Variants in FCN1 observed in about 807,000 individuals in gnomAD.
FCN1 encodes the protein ficolin-1.
Under a neutral mutation model 35.6 loss-of-function variants are expected in FCN1, and 42 were observed. The observed-to-expected ratio is 1.18, with a 90% CI of 0.92 to 1.53. The LOEUF is 1.53. FCN1 is among the 40% of genes most tolerant of loss of function. The pLI is 0.00. For synonymous variants in FCN1, 179 were observed against 169.8 expected, an observed-to-expected ratio of 1.05 and a Z score of -0.42; for missense variants, 439 against 428.4, an observed-to-expected ratio of 1.02 and a Z score of -0.22.
chr9:134,913,869 G>A (rs1203039937), intron 4 of FCN1, among the ~76,000 whole-genome samples: 1 of 152,162 alleles, frequency 6.6e-6, no homozygotes, highest in East Asian at 1.9e-4. Context: ...GGGTCCTGCT[G>A]GACGAACTGG....
rs1830976257 is a variant in FCN1, at chr9:134,908,004, G to A, written c.*1794C>T. The A allele has an allele frequency of 6.6e-6, 1 of 152,198 alleles. No homozygotes were observed. The highest frequency in any genetic ancestry group is 2.4e-5 in the African/African-American group (1 of 41,452). The allele number at this position is 152,198 out of a possible 1,614,324, so 9.4% of individuals were successfully genotyped here. A position where few individuals can be genotyped will look rare whatever the true frequency, so the allele number is the denominator to read the frequency against. On this transcript the variant is annotated 3_prime_UTR_variant, in exon 9 of 9. Transcript: ENST00000371806. ...CTGTGTGTCTTCTTCTCCAACAGTTGATGCCAAGCCATTTTCCAGGTTGGT... is the reference window on the plus strand; with the variant it reads ...CTGTGTGTCTTCTTCTCCAACAGTTAATGCCAAGCCATTTTCCAGGTTGGT...
chr9:134,904,391 A>C lies in FCN1; in HGVS notation c.*5407T>G, dbSNP rs1419998094. On this transcript the variant is annotated 3_prime_UTR_variant, in exon 9 of 9. Transcript: ENST00000371806. The stretch of plus-strand genomic sequence containing the variant: ...AAACTAATTGGCAATATAGAAGTCT[A>C]CACCCAATCTAAATACTATTTAAAA... Among the ~76,000 whole-genome samples the C allele has an allele frequency of 3.3e-5, 5 of 152,244 alleles. No homozygotes were observed. The highest frequency in any genetic ancestry group is 1.2e-4 in the African/African-American group (5 of 41,464).
Position 134,908,718 on chromosome 9 carries a change from C to A in FCN1, c.*1080G>T, listed in dbSNP as rs914468510. 6 of 159,492 alleles carry A rather than the reference C, an allele frequency of 3.8e-5. No homozygotes were observed. The highest frequency in any genetic ancestry group is 5.5e-5 in the Non-Finnish European group (4 of 72,514). The allele number at this position is 159,492 out of a possible 1,614,324, so 9.9% of individuals were successfully genotyped here. On this transcript the variant is annotated 3_prime_UTR_variant, in exon 9 of 9. Transcript: ENST00000371806. Reference sequence around the variant, plus strand: ...CAAGGAAGCAGGTTCTCCCCTAGAACCCTGGAAGGAGCCACCACTGCTGAG... The same window carrying A: ...CAAGGAAGCAGGTTCTCCCCTAGAAACCTGGAAGGAGCCACCACTGCTGAG...
rs1184325746 is a variant in FCN1 at position 134,906,372 on chromosome 9, C to T, written c.*3426G>A. The T allele has an allele frequency of 6.6e-6, 1 of 152,140 alleles. No homozygotes were observed. The highest frequency in any genetic ancestry group is 2.4e-5 in the African/African-American group (1 of 41,424). The allele number at this position is 152,140 out of a possible 1,614,324, so 9.4% of individuals were successfully genotyped here. A position where few individuals can be genotyped will look rare whatever the true frequency, so the allele number is the denominator to read the frequency against. On this transcript the variant is annotated 3_prime_UTR_variant, in exon 9 of 9. Coordinates refer to ENST00000371806, the MANE Select transcript of FCN1 (RefSeq NM_002003.5). ...TATAAGACCTGCAAATCTTAAGAGT[C>T]ACCTTTTTAGAGCTTTTGGATACCA...
intron 2 of FCN1, among the ~76,000 whole-genome samples, chr9:134,915,786 A>T (rs1271608097): frequency 1.3e-5 from 2 of 152,172 alleles, no homozygotes; most frequent in East Asian, 1.9e-4. Context: ...TGCCATGCTT[A>T]GGGGGACCCA....
chr9:134,913,591 C>A lies in FCN1; in HGVS notation c.330G>T (p.Ser110=). ...GGTGTGATCAGTCACCTGTCGCACA[C>A]GACTGAGACTGCCCAGCGTCTCCTG... ...GEKGDAGQSQ[S]CATGPRNCKD... is the part of the protein sequence containing the mutation. The change falls in exon 5 of 9, where the codon TCG becomes TCT. Residue 110 remains serine (S), a synonymous_variant. Coordinates refer to ENST00000371806, the MANE Select transcript of FCN1 (RefSeq NM_002003.5). The A allele has an allele frequency of 6.2e-7, 1 of 1,606,974 alleles. No homozygotes were observed.
chr9:134,914,397 G>T lies in FCN1; in HGVS notation c.295C>A (p.Arg99Ser). Reference sequence around the variant, plus strand: ...ACGGGTGGCTCACCTTTCTCTCCACGCATCCCCTTCTCTCCTCGGTCTCCT... The same window carrying T: ...ACGGGTGGCTCACCTTTCTCTCCACTCATCCCCTTCTCTCCTCGGTCTCCT... ...PKGDRGEKGM[R>S]GEKGDAGQSQ... Residue 99 changes from arginine to serine, a missense_variant, in exon 4 of 9, where the codon CGT (arginine) becomes AGT (serine). By Grantham distance (110) the Arg-to-Ser change is moderately radical (BLOSUM62 -1). Coordinates refer to ENST00000371806, the MANE Select transcript of FCN1 (RefSeq NM_002003.5). The T allele has an allele frequency of 6.2e-7, 1 of 1,613,980 alleles. No individual in the cohort carries two copies. Among genetic ancestry groups the T allele is most frequent in the Non-Finnish European group, 8.5e-7 (1 of 1,179,872 alleles).
At position 134,905,731 on chromosome 9, in the gene FCN1, G is replaced by A. The variant is rs560849342; in HGVS notation, c.*4067C>T. Among the ~76,000 whole-genome samples, 63 of 151,298 alleles carry A rather than the reference G, an allele frequency of 4.2e-4. No individual in the cohort carries two copies. The highest frequency in any genetic ancestry group is 2.2e-3 in the Admixed American group (33 of 15,188). On this transcript the variant is annotated 3_prime_UTR_variant, in exon 9 of 9. Coordinates refer to ENST00000371806, the MANE Select transcript of FCN1 (RefSeq NM_002003.5). ...GATCTCCTGACCTTGTGATCCGCCC[G>A]CCTCGGCCTCCCAAAGTGCTGGGAT...
In FCN1 at chr9:134,905,323, A is replaced by G. The variant is rs948190514; in HGVS notation, c.*4475T>C. ...CCTACACTCCTACTTGAGAGGTCCC[A>G]TGGCCAGGAAGAAGAGCACTGGCCC... On this transcript the variant is annotated 3_prime_UTR_variant, in exon 9 of 9. Coordinates refer to ENST00000371806, the MANE Select transcript of FCN1 (RefSeq NM_002003.5). Among the ~76,000 whole-genome samples the G allele has an allele frequency of 1.3e-5, 2 of 152,320 alleles. No individual in the cohort carries two copies. The highest frequency in any genetic ancestry group is 2.9e-5 in the Non-Finnish European group (2 of 68,018).
intron 1 of FCN1, 121 bp from the exon 2 acceptor site, chr9:134,916,582 G>A (rs1012589552): frequency 2.1e-4 from 195 of 945,388 alleles, no homozygotes; most frequent in Non-Finnish European, 3.1e-4. Flanking sequence ...AGGCGGAGAT[G>A]TGATGGGGGG....
rs1466929173 is a variant in FCN1, at chr9:134,916,259, G to A, written c.217+89C>T. On this transcript the variant is annotated intron_variant, in intron 2 of 8. Coordinates refer to ENST00000371806, the MANE Select transcript of FCN1 (RefSeq NM_002003.5). ...GCTCTTGATCTAGGAACCACGGTGGGGGTGTTGCCCAACTCTGCATCCAGT... is the reference window on the plus strand; with the variant it reads ...GCTCTTGATCTAGGAACCACGGTGGAGGTGTTGCCCAACTCTGCATCCAGT... The A allele has an allele frequency of 3.0e-6, 3 of 999,634 alleles. No homozygotes were observed. In the African/African-American group the frequency reaches 4.7e-5, roughly 16 times the overall value. The allele number at this position is 999,634 out of a possible 1,614,324, so 61.9% of individuals were successfully genotyped here. A position where few individuals can be genotyped will look rare whatever the true frequency, so the allele number is the denominator to read the frequency against.
intron 1 of FCN1, among the ~76,000 whole-genome samples, chr9:134,917,402 G>A (rs186710667): frequency 6.6e-6 from 1 of 152,266 alleles, no homozygotes; most frequent in Non-Finnish European, 1.5e-5. Context: ...AACCCCCCAA[G>A]TCCGTGTGGC....
At position 134,905,500 on chromosome 9, in the gene FCN1, T is replaced by C. The variant is rs1021495319; in HGVS notation, c.*4298A>G. 6.6e-6 allele frequency among the ~76,000 whole-genome samples: 1 copy of C among 152,156 alleles called. No individual in the cohort carries two copies. The highest frequency in any genetic ancestry group is 2.4e-5 in the African/African-American group (1 of 41,422). ...ATAAGCTTGCTTTGCTTCTTTTATTTTGAGACAGAGTCTCGCTCTGTCGCC... is the reference window on the plus strand; with the variant it reads ...ATAAGCTTGCTTTGCTTCTTTTATTCTGAGACAGAGTCTCGCTCTGTCGCC... On this transcript the variant is annotated 3_prime_UTR_variant, in exon 9 of 9. Coordinates refer to ENST00000371806, the MANE Select transcript of FCN1 (RefSeq NM_002003.5).
rs1564214906 is a variant in FCN1, at chr9:134,905,640, T to C, written c.*4158A>G. Among the ~76,000 whole-genome samples, 1 of 151,730 alleles carries C rather than the reference T, an allele frequency of 6.6e-6. No homozygotes were observed. The highest frequency in any genetic ancestry group is 6.6e-5 in the Admixed American group (1 of 15,264). ...CTGGGACGATAGGCATCCCCCACCA[T>C]GAACGGCTAATTTTTTTGTATTTTT... is the stretch of plus-strand genomic sequence containing the variant. On this transcript the variant is annotated 3_prime_UTR_variant, in exon 9 of 9. Coordinates refer to ENST00000371806, the MANE Select transcript of FCN1 (RefSeq NM_002003.5).
rs2118931117 is a variant in FCN1 at position 134,908,681 on chromosome 9, G to C, written c.*1117C>G. ...GCCAATGAATGCCAGTGACCCCTGG[G>C]GCTGGAAAAGGCAAGGAAGCAGGTT... On this transcript the variant is annotated 3_prime_UTR_variant, in exon 9 of 9. Coordinates refer to ENST00000371806, the MANE Select transcript of FCN1 (RefSeq NM_002003.5). 1 of 154,864 alleles carries C rather than the reference G, an allele frequency of 6.5e-6. No homozygotes were observed. Among genetic ancestry groups the C allele is most frequent in the East Asian group, 1.9e-4 (1 of 5,226 alleles). 9.6% of individuals were successfully genotyped at this position (154,864 alleles called of 1,614,324 possible). A position where few individuals can be genotyped will look rare whatever the true frequency, so the allele number is the denominator to read the frequency against.
intron 4 of FCN1, 103 bp from the exon 5 acceptor site, chr9:134,913,716 C>T: frequency 1.2e-6 from 1 of 847,844 alleles, no homozygotes; most frequent in Non-Finnish European, 1.8e-6. Context: ...TGGGCAAAGG[C>T]AGCTCCTCTG....
Position 134,903,404 on chromosome 9 carries a change from T to C in FCN1, c.*6394A>G, listed in dbSNP as rs189716244. Among the ~76,000 whole-genome samples the C allele has an allele frequency of 1.4e-4, 22 of 152,248 alleles. No individual in the cohort carries two copies. The East Asian group carries it at 4.2e-3, about 29-fold the overall frequency. Reference sequence around the variant, plus strand: ...CAAATTTAAAATAATTGAAATCATATTAAGTTTGTTCTCTGACCCTGATAG... The same window carrying C: ...CAAATTTAAAATAATTGAAATCATACTAAGTTTGTTCTCTGACCCTGATAG... On this transcript the variant is annotated 3_prime_UTR_variant, in exon 9 of 9. Transcript: ENST00000371806.
chr9:134,905,890 CTTCTTCTTCTTCTTCTTCTTCTT>C lies in FCN1; in HGVS notation c.*3885_*3907del, dbSNP rs1830947269. On this transcript the variant is annotated 3_prime_UTR_variant, in exon 9 of 9. Transcript: ENST00000371806. ...TCTTCTTCTTCTTCTTCTTCTTCTT[CTTCTTCTTCTTCTTCTTCTTCTT>C]CTTCTTCTTCTCCCTCTCCCTCTCC... 3.9e-5 allele frequency: 4 copies of C among 102,512 alleles called. No individual in the cohort carries two copies. The highest frequency in any genetic ancestry group is 2.8e-4 in the African/African-American group (4 of 14,404). 6.4% of individuals were successfully genotyped at this position (102,512 alleles called of 1,614,324 possible). A position where few individuals can be genotyped will look rare whatever the true frequency, so the allele number is the denominator to read the frequency against.
chr9:134,913,179 G>C (rs1192140155), intron 5 of FCN1, 36 bp from the exon 6 acceptor site: 1 of 1,610,826 alleles, frequency 6.2e-7, no homozygotes, highest in South Asian at 1.1e-5. Flanking sequence ...TGCAGGACGG[G>C]GGCCCTGGGC....
Sources: gnomAD v4.1 joint callset for allele counts (sites outside exome capture counted in the v4.1 genomes callset) on GRCh38, gnomAD v4.1.1 for gene constraint, MANE v1.5 for transcripts, NCBI Gene and HGNC (gene_info 2026-07-23, HGNC 2026-07-21) for gene names.